CELF6: variants seen among roughly 807,000 people sequenced by gnomAD.
CELF6 encodes Bruno -like 6, RNA binding protein.
In CELF6, 32 loss-of-function variants were observed where a neutral mutation model predicts 53.1. The observed-to-expected ratio is 0.60, with a 90% CI of 0.46 to 0.81. CELF6 has a LOEUF of 0.81. Among genes scored for constraint, CELF6 ranks in the 30% least tolerant of loss-of-function variants. CELF6 has a pLI of 0.00. For missense variants in CELF6, 539 were observed against 669.5 expected (o/e 0.81, Z 2.15); for synonymous variants, 291 against 288.8 (o/e 1.01, Z -0.08).
At position 72,287,304 on chromosome 15, in the gene CELF6, G is replaced by A. The variant is rs147656826; in HGVS notation, c.1407C>T (p.Val469=). 2.7e-5 allele frequency: 43 copies of A among 1,614,070 alleles called. No homozygotes were observed. The highest frequency in any genetic ancestry group is 3.3e-4 in the Middle Eastern group (2 of 6,082). Residue 469 remains valine (V), a synonymous_variant, in exon 12 of 13, where the codon GTC becomes GTT. Transcript: ENST00000287202. ...GFQIGMKRLK[V]QLKRPKDANR... is the part of the protein sequence containing the mutation. ...TGGCATCCTTGGGCCGCTTTAGCTG[G>A]ACCTTGAGCCTCTTCATGCCAATTT...
intron 2 of CELF6, among the ~76,000 whole-genome samples, chr15:72,310,570 C>A (rs955226316): frequency 7.0e-6 from 1 of 143,074 alleles, no homozygotes; most frequent in Non-Finnish European, 1.5e-5. Flanking sequence ...TTTGAGACAG[C>A]GTCGACCTCC....
At chr15:72,317,982 G>A (rs1345430166) in intron 1 of CELF6, among the ~76,000 whole-genome samples, 1 of 152,112 alleles carries the variant, frequency 6.6e-6, no homozygotes, top group African/African-American at 2.4e-5. Flanking sequence ...GAGAGGATGA[G>A]GGAACAGTTC....
At position 72,288,818 on chromosome 15, in the gene CELF6, C is replaced by T; in HGVS notation, c.1093+50G>A. On this transcript the variant is annotated intron_variant, in intron 9 of 12. Transcript: ENST00000287202. This position sits in a 1 kb window ranked among gnomAD's most constrained non-coding sequence, Gnocchi z 4.6. Reference sequence around the variant, plus strand: ...AAATCCCCCACAACTCTCCCTATTTCTTTCTAGGGCCCTTCAACCTCCCCC... The same window carrying T: ...AAATCCCCCACAACTCTCCCTATTTTTTTCTAGGGCCCTTCAACCTCCCCC... The T allele has an allele frequency of 6.6e-7, 1 of 1,506,246 alleles. No homozygotes were observed. 93.3% of individuals were successfully genotyped at this position (1,506,246 alleles called of 1,614,324 possible). A position where few individuals can be genotyped will look rare whatever the true frequency, so the allele number is the denominator to read the frequency against.
chr15:72,299,361 T>TG (rs1750902118), intron 3 of CELF6, among the ~76,000 whole-genome samples: 1 of 150,418 alleles, frequency 6.6e-6, no homozygotes, highest in African/African-American at 2.5e-5. Flanking sequence ...TTTTGTTTTT[T>TG]CTTTTTTTTT....
At position 72,289,193 on chromosome 15, in the gene CELF6, G is replaced by C. The variant is rs185490050; in HGVS notation, c.975C>G (p.Thr325=). 8 of 1,568,268 alleles carry C rather than the reference G, an allele frequency of 5.1e-6. No homozygotes were observed. The highest frequency in any genetic ancestry group is 1.7e-4 in the Middle Eastern group (1 of 5,870). The change falls in exon 8 of 13, where the codon ACC becomes ACG. Residue 325 remains threonine (T), a synonymous_variant. Coordinates refer to ENST00000287202, the MANE Select transcript of CELF6 (RefSeq NM_052840.5). This position sits in a 1 kb window ranked among gnomAD's most constrained non-coding sequence, Gnocchi z 7.6. Reference sequence around the variant, plus strand: ...GCGTGTCGGAGCCCGGCTGGCCATTGGTCTGGGGGGTCAGAGGGCCGAATC... The same window carrying C: ...GCGTGTCGGAGCCCGGCTGGCCATTCGTCTGGGGGGTCAGAGGGCCGAATC... ...VNGFGPLTPQ[T]NGQPGSDTLY... is the part of the protein sequence containing the mutation.
At chr15:72,316,270 T>C (rs1255182996) in intron 1 of CELF6, among the ~76,000 whole-genome samples, 1 of 152,192 alleles carries the variant, frequency 6.6e-6, no homozygotes, top group African/African-American at 2.4e-5. Flanking sequence ...ATCATCATCT[T>C]TAACCCAGAC....
intron 2 of CELF6, among the ~76,000 whole-genome samples, chr15:72,308,457 C>T (rs1467863964): frequency 6.6e-6 from 1 of 152,032 alleles, no homozygotes; most frequent in Non-Finnish European, 1.5e-5. Context: ...GAACTCCCGA[C>T]CTCAGGTGAT....
chr15:72,292,717 A>T (rs2088021951), intron 3 of CELF6, among the ~76,000 whole-genome samples: 1 of 152,188 alleles, frequency 6.6e-6, no homozygotes, highest in Non-Finnish European at 1.5e-5. Flanking sequence ...CCTCTTTTCC[A>T]GTGAGAATCT....
intron 2 of CELF6, among the ~76,000 whole-genome samples, chr15:72,308,209 T>C (rs1595783976): frequency 6.7e-6 from 1 of 149,614 alleles, no homozygotes; most frequent in Non-Finnish European, 1.5e-5. Context: ...ACCTCAGATA[T>C]AAAAAGTTAT....
intron 2 of CELF6, among the ~76,000 whole-genome samples, chr15:72,311,601 A>G (rs1019226812): frequency 6.6e-6 from 1 of 150,870 alleles, no homozygotes; most frequent in African/African-American, 2.4e-5. Context: ...ACGGGGTTTC[A>G]CTGTGTTAGC....
At chr15:72,304,896 C>T (rs1043984481) in intron 2 of CELF6, 102 bp from the exon 3 acceptor site, 2 of 978,554 alleles carry the variant, frequency 2.0e-6, no homozygotes, top group Admixed American at 3.9e-5. Flanking sequence ...GCCCTAGCCC[C>T]TTTGAACTCT....
intron 3 of CELF6, among the ~76,000 whole-genome samples, chr15:72,301,374 T>A (rs566398917): frequency 6.6e-6 from 1 of 152,144 alleles, no homozygotes; most frequent in Admixed American, 6.5e-5. Flanking sequence ...GAGCTGATGA[T>A]CCCTACTTGA....
At chr15:72,301,678 G>A (rs1341856558) in intron 3 of CELF6, among the ~76,000 whole-genome samples, 1 of 151,228 alleles carries the variant, frequency 6.6e-6, no homozygotes, top group Non-Finnish European at 1.5e-5. Flanking sequence ...GCTGTTCCAC[G>A]TTGTTGCCAA....
intron 2 of CELF6, among the ~76,000 whole-genome samples, chr15:72,314,471 A>C (rs537363774): frequency 2.4e-4 from 37 of 151,830 alleles, no homozygotes; most frequent in African/African-American, 8.9e-4. Context: ...AGTATAACCC[A>C]CTCCTCATAT....
intron 2 of CELF6, among the ~76,000 whole-genome samples, chr15:72,315,055 G>A (rs116610578): frequency 2.0e-5 from 3 of 151,994 alleles, no homozygotes; most frequent in African/African-American, 7.3e-5. Flanking sequence ...GTAGACAAAC[G>A]ACTCTCTTAA....
chr15:72,306,099 C>T lies in CELF6; in HGVS notation c.346-1305G>A, dbSNP rs1041552801. ...TATATCGCCCCCACATCCCCATCCC[C>T]CAACCACCCTGAGTGAATTCATGAT... is the stretch of plus-strand genomic sequence containing the variant. On this transcript the variant is annotated intron_variant, in intron 2 of 12. Coordinates refer to ENST00000287202, the MANE Select transcript of CELF6 (RefSeq NM_052840.5). 1.4e-4 allele frequency: 137 copies of T among 984,988 alleles called. 1 individual carries two copies. The highest frequency in any genetic ancestry group is 1.6e-4 in the Non-Finnish European group (132 of 829,690). The allele number at this position is 984,988 out of a possible 1,614,324, so 61.0% of individuals were successfully genotyped here. A position where few individuals can be genotyped will look rare whatever the true frequency, so the allele number is the denominator to read the frequency against.
In CELF6 at chr15:72,289,646, C is replaced by T; in HGVS notation, c.728G>A (p.Cys243Tyr). Reference protein sequence around the residue: ...FHPAPLPLGACGAYTTAILQH... With the variant: ...FHPAPLPLGAYGAYTTAILQH... ...ACCTACCGCCGTGGTGTAGGCGCCG[C>T]AGGCCCCTAGCGGCAGTGGCGCGGG... Residue 243 changes from cysteine (C) to tyrosine (Y), a missense_variant, in exon 6 of 13, where the codon TGC (cysteine) becomes TAC (tyrosine). This residue lies in a region of CELF6 where 358 missense variants were observed against 412.8 expected (regional missense o/e 0.87). Coordinates refer to ENST00000287202, the MANE Select transcript of CELF6 (RefSeq NM_052840.5). The surrounding 1 kb of genome is among the most constrained non-coding windows in gnomAD (Gnocchi z 7.6). The T allele has an allele frequency of 2.0e-6, 3 of 1,502,926 alleles. No individual in the cohort carries two copies. The highest frequency in any genetic ancestry group is 2.6e-6 in the Non-Finnish European group (3 of 1,134,724). 93.1% of individuals were successfully genotyped at this position (1,502,926 alleles called of 1,614,324 possible).
chr15:72,296,568 C>G (rs1465011360), intron 3 of CELF6, among the ~76,000 whole-genome samples: 2 of 152,120 alleles, frequency 1.3e-5, no homozygotes, highest in Non-Finnish European at 2.9e-5. Context: ...ACTCGTACAA[C>G]TAAATGGTAA....
intron 2 of CELF6, 102 bp from the exon 3 acceptor site, chr15:72,304,896 C>A: frequency 1.0e-6 from 1 of 978,672 alleles, no homozygotes; most frequent in Non-Finnish European, 1.6e-6. Flanking sequence ...GCCCTAGCCC[C>A]TTTGAACTCT....
Sources: gnomAD v4.1 joint callset for allele counts (sites outside exome capture counted in the v4.1 genomes callset) on GRCh38, gnomAD v4.1.1 for gene constraint, gnomAD v4.1.1 regional missense constraint, Gnocchi (gnomAD v3.1) non-coding constraint, MANE v1.5 for transcripts, NCBI Gene and HGNC (gene_info 2026-07-23, HGNC 2026-07-21) for gene names.